BFSP2: variants seen among roughly 807,000 people sequenced by gnomAD.
The protein encoded by BFSP2 is beaded filament structural protein 2, also known as phakinin.
BFSP2 carries 38 observed loss-of-function variants against 44.9 expected under a neutral mutation model. The observed-to-expected ratio is 0.85, with a 90% CI of 0.65 to 1.11. The LOEUF (loss-of-function observed/expected upper bound fraction) is 1.11, where lower values mean the gene tolerates loss of function less well. Among genes scored for constraint, BFSP2 ranks in the 50% least tolerant of loss-of-function variants. The probability of loss-of-function intolerance (pLI) is 0.00; values close to 1 mark genes in which losing one functional copy is unlikely to be tolerated. For synonymous variants in BFSP2, 197 were observed against 209.9 expected (o/e 0.94, Z 0.53); for missense variants, 525 against 533.0 (o/e 0.99, Z 0.15).
At chr3:133,425,235 T>C (rs4133679) in intron 1 of BFSP2, among the ~76,000 whole-genome samples, 127,775 of 152,190 alleles carry the variant, frequency 0.84, 53,888 homozygotes, top group Middle Eastern at 0.94. Flanking sequence ...GTTCAAATAT[T>C]AGAGCCAAAA....
chr3:133,458,321 G>T (rs1447835214), intron 4 of BFSP2, among the ~76,000 whole-genome samples: 2 of 152,230 alleles, frequency 1.3e-5, no homozygotes, highest in Non-Finnish European at 2.9e-5. Flanking sequence ...AATCAGAGCA[G>T]ATTTTAAAAG....
At position 133,469,220 on chromosome 3, in the gene BFSP2, G is replaced by A. The variant is rs75795088; in HGVS notation, c.1023+2261G>A. 7.4e-4 allele frequency among the ~76,000 whole-genome samples: 112 copies of A among 152,316 alleles called. No homozygotes were observed. In the East Asian group the frequency reaches 8.7e-3, roughly 12 times the overall value. The stretch of plus-strand genomic sequence containing the variant: ...TCTAGTAGATTATCGTTCTGGTCAC[G>A]GGGCCTTGCAGCCAAGGTGAGGAGC... On this transcript the variant is annotated intron_variant, in intron 5 of 6. Coordinates refer to ENST00000302334, the MANE Select transcript of BFSP2 (RefSeq NM_003571.4).
intron 1 of BFSP2, among the ~76,000 whole-genome samples, chr3:133,426,936 T>C (rs1033324885): frequency 6.6e-6 from 1 of 152,226 alleles, no homozygotes; most frequent in Non-Finnish European, 1.5e-5. Flanking sequence ...GAGTGGGAGA[T>C]GGAAAGCATG....
intron 3 of BFSP2, among the ~76,000 whole-genome samples, chr3:133,449,654 G>C (rs1306692100): frequency 6.6e-6 from 1 of 152,098 alleles, no homozygotes; most frequent in Middle Eastern, 3.4e-3. Context: ...CAAGGCAGGG[G>C]ATCACTTGAG....
chr3:133,402,866 C>T (rs527316802), intron 1 of BFSP2, among the ~76,000 whole-genome samples: 1 of 152,030 alleles, frequency 6.6e-6, no homozygotes, highest in African/African-American at 2.4e-5. Context: ...TGGTCTTGAT[C>T]TCCTGACCTC....
intron 1 of BFSP2, among the ~76,000 whole-genome samples, chr3:133,439,115 A>G (rs1261789156): frequency 1.3e-5 from 2 of 152,212 alleles, no homozygotes; most frequent in African/African-American, 2.4e-5. Context: ...TAGGGATGAA[A>G]TGAGATTATG....
At chr3:133,472,973 G>C (rs1361796454) in intron 6 of BFSP2, among the ~76,000 whole-genome samples, 1 of 150,482 alleles carries the variant, frequency 6.6e-6, no homozygotes, top group African/African-American at 2.5e-5. Flanking sequence ...TTTGGATACA[G>C]GGTCTCGTCT....
intron 5 of BFSP2, 72 bp downstream of exon 5, chr3:133,467,031 T>A: frequency 6.3e-7 from 1 of 1,587,570 alleles, no homozygotes; most frequent in Admixed American, 1.7e-5. Context: ...TCCAGTATTA[T>A]GGATCTTAGT....
chr3:133,418,874 C>T (rs911992303), intron 1 of BFSP2, among the ~76,000 whole-genome samples: 3 of 152,224 alleles, frequency 2.0e-5, no homozygotes, highest in African/African-American at 7.2e-5. Context: ...CTTTCACTCT[C>T]TGTCTTAATT....
chr3:133,411,172 A>G (rs962591722), intron 1 of BFSP2, among the ~76,000 whole-genome samples: 1 of 103,100 alleles, frequency 9.7e-6, no homozygotes, highest in African/African-American at 3.7e-5. Context: ...ATATGTCAGT[A>G]TAACACCGAA....
intron 4 of BFSP2, among the ~76,000 whole-genome samples, chr3:133,464,033 G>A (rs182345411): frequency 1.6e-3 from 245 of 152,196 alleles, no homozygotes; most frequent in Admixed American, 3.3e-3. Flanking sequence ...ACTGCTCCCC[G>A]CCACCCTCTG....
chr3:133,418,809 G>T (rs1014249586), intron 1 of BFSP2, among the ~76,000 whole-genome samples: 1 of 152,176 alleles, frequency 6.6e-6, no homozygotes, highest in Admixed American at 6.5e-5. Flanking sequence ...TCACTGAACT[G>T]CAGGCCTCTG....
chr3:133,428,363 TCAGA>T (rs1432792492), intron 1 of BFSP2, among the ~76,000 whole-genome samples: 2 of 151,912 alleles, frequency 1.3e-5, no homozygotes, highest in Admixed American at 6.6e-5. Flanking sequence ...CCCCCAGCTG[TCAGA>T]CAGAGCCAGT....
chr3:133,441,420 T>C (rs1275753779), intron 1 of BFSP2, among the ~76,000 whole-genome samples: 1 of 152,182 alleles, frequency 6.6e-6, no homozygotes, highest in Non-Finnish European at 1.5e-5. Context: ...GTAACAACTA[T>C]CAGGTTAAAC....
At chr3:133,428,241 T>C (rs1011073809) in intron 1 of BFSP2, among the ~76,000 whole-genome samples, 2 of 152,066 alleles carry the variant, frequency 1.3e-5, no homozygotes, top group Admixed American at 6.6e-5. Context: ...AGTATGGAAG[T>C]GCTCCTGGAG....
chr3:133,413,316 A>G (rs1454369144), intron 1 of BFSP2, among the ~76,000 whole-genome samples: 1 of 151,940 alleles, frequency 6.6e-6, no homozygotes, highest in Non-Finnish European at 1.5e-5. Context: ...CCGGTGGGAG[A>G]GAAGACCCAT....
rs104893685 is a variant in BFSP2 at position 133,450,432 on chromosome 3, C to T, written c.859C>T (p.Arg287Trp). 37 of 1,613,976 alleles carry T rather than the reference C, an allele frequency of 2.3e-5. No individual in the cohort carries two copies. The highest frequency in any genetic ancestry group is 2.9e-5 in the Non-Finnish European group (34 of 1,179,978). ...IQWERDVEKN[R>W]VEAGALLQAK... ...GTGGGAGAGAGATGTTGAAAAGAACCGGGTGGAGGCAGGAGCCCTGCTCCA... is the reference window on the plus strand; with the variant it reads ...GTGGGAGAGAGATGTTGAAAAGAACTGGGTGGAGGCAGGAGCCCTGCTCCA... Residue 287 changes from arginine to tryptophan, a missense_variant, in exon 4 of 7, where the codon CGG (arginine) becomes TGG (tryptophan). Physicochemically the swap from Arg to Trp is moderately radical, Grantham distance 101. Transcript: ENST00000302334.
intron 1 of BFSP2, among the ~76,000 whole-genome samples, chr3:133,415,555 CTCACCCCTGCCCCCTCCGCTCTA>C (rs2073515311): frequency 1.0e-5 from 1 of 97,312 alleles, no homozygotes; most frequent in East Asian, 3.3e-4. Flanking sequence ...CTCCCCTCTA[CTCACCCCTGCCCCCTCCGCTCTA>C]CTCACCCCTG....
Position 133,466,849 on chromosome 3 carries a change from A to G in BFSP2, c.913A>G (p.Met305Val). 4 of 1,613,834 alleles carry G rather than the reference A, an allele frequency of 2.5e-6. No homozygotes were observed. Among genetic ancestry groups the G allele is most frequent in the Non-Finnish European group, 3.4e-6 (4 of 1,179,962 alleles). ...ACAGCAACAGGCGGAGGTGGCCCAC[A>G]TGTCCCAGACCCAGGAGGAGAAGCT... ...QAKQQAEVAH[M>V]SQTQEEKLAA... The change falls in exon 5 of 7, where the codon ATG (methionine) becomes GTG (valine). Residue 305 changes from methionine to valine, a missense_variant. By Grantham distance (21) the Met-to-Val change is conservative. Transcript: ENST00000302334.
Sources: gnomAD v4.1 joint callset for allele counts (sites outside exome capture counted in the v4.1 genomes callset) on GRCh38, gnomAD v4.1.1 for gene constraint, MANE v1.5 for transcripts, NCBI Gene and HGNC (gene_info 2026-07-23, HGNC 2026-07-21) for gene names.